Variants in AMZ1 observed in about 807,000 individuals in gnomAD.
AMZ1 encodes archaemetzincin-1.
A neutral mutation model predicts 29.9 loss-of-function variants in AMZ1; 39 were observed. The observed-to-expected ratio is 1.30, with a 90% CI of 1.01 to 1.70. The LOEUF is 1.70. Ranked by LOEUF, AMZ1 falls within the 40% of genes most tolerant of loss-of-function variation. The pLI is 0.00. For missense variants in AMZ1, 1,041 were observed against 680.6 expected (o/e 1.53, Z -5.89); for synonymous variants, 458 against 304.0 (o/e 1.51, Z -5.27).
At chr7:2,733,084 G>A (rs1242497882) in intron 4 of AMZ1, among the ~76,000 whole-genome samples, 2 of 152,198 alleles carry the variant, frequency 1.3e-5, no homozygotes, top group South Asian at 2.1e-4. Flanking sequence ...CCCGGAGGCC[G>A]GGGGAGGGCT....
intron 4 of AMZ1, among the ~76,000 whole-genome samples, chr7:2,732,920 G>C (rs1789973710): frequency 6.6e-6 from 1 of 152,206 alleles, no homozygotes; most frequent in African/African-American, 2.4e-5. Flanking sequence ...AAATCAACAT[G>C]AAAACATTAA....
Position 2,714,497 on chromosome 7 carries a change from G to A in AMZ1, c.*1619G>A, listed in dbSNP as rs1028247278. ...CTTCAAAAAGGCGTAACAGTGACCT[G>A]GGAGGGGAGATGAAGAGCTAGGCCT... is the stretch of plus-strand genomic sequence containing the variant. On this transcript the variant is annotated 3_prime_UTR_variant, in exon 7 of 7. Transcript: ENST00000683327. 5 of 152,362 alleles carry A rather than the reference G, an allele frequency of 3.3e-5. No homozygotes were observed. Among genetic ancestry groups the A allele is most frequent in the Non-Finnish European group, 5.9e-5 (4 of 68,050 alleles). 9.4% of individuals were successfully genotyped at this position (152,362 alleles called of 1,614,324 possible). A position where few individuals can be genotyped will look rare whatever the true frequency, so the allele number is the denominator to read the frequency against.
chr7:2,753,531 T>C (rs564939736), intron 4 of AMZ1, among the ~76,000 whole-genome samples: 2 of 152,338 alleles, frequency 1.3e-5, no homozygotes, highest in East Asian at 3.9e-4. Flanking sequence ...TGCCCCTTTT[T>C]ACTGCTGGGA....
chr7:2,699,539 C>CA (rs1490226543), intron 1 of AMZ1, among the ~76,000 whole-genome samples: 1 of 152,034 alleles, frequency 6.6e-6, no homozygotes, highest in Admixed American at 6.6e-5. Flanking sequence ...CCGCCCCCCC[C>CA]CAAACATATG....
chr7:2,759,418 T>C (rs1791455669), intron 4 of AMZ1, among the ~76,000 whole-genome samples: 1 of 152,214 alleles, frequency 6.6e-6, no homozygotes. Context: ...GTGTTATTAC[T>C]GTTCTGTCCA....
chr7:2,746,069 T>C (rs1583227278), intron 4 of AMZ1, among the ~76,000 whole-genome samples: 2 of 152,226 alleles, frequency 1.3e-5, no homozygotes, highest in Non-Finnish European at 2.9e-5. Context: ...ACAATAATAA[T>C]GGGAGACTTT....
chr7:2,733,847 G>C (rs1157311745), intron 4 of AMZ1, among the ~76,000 whole-genome samples: 2 of 152,192 alleles, frequency 1.3e-5, no homozygotes, highest in African/African-American at 4.8e-5. Flanking sequence ...GGCCAGCAAA[G>C]GACAGGCTAG....
At chr7:2,759,879 C>A (rs558231313), upstream of AMZ1, among the ~76,000 whole-genome samples, 1 of 152,254 alleles carries the variant, frequency 6.6e-6, no homozygotes, top group African/African-American at 2.4e-5. Flanking sequence ...CAGAGCCCCA[C>A]GGCCAGCTGA....
chr7:2,708,652 A>G lies in AMZ1; in HGVS notation c.537A>G (p.Thr179=), dbSNP rs1397667430. Residue 179 remains threonine, a synonymous_variant, in exon 4 of 7, where the codon ACA becomes ACG. Coordinates refer to ENST00000683327, the MANE Select transcript of AMZ1 (RefSeq NM_001384743.1). Reference sequence around the variant, plus strand: ...ACGCGCTGTGTGTGCTGGGCCTCACACTGTCTGACCTGTACCCCCATGAGG... The same window carrying G: ...ACGCGCTGTGTGTGCTGGGCCTCACGCTGTCTGACCTGTACCCCCATGAGG... ...PGDALCVLGL[T]LSDLYPHEAW... is the part of the protein sequence containing the mutation. The G allele has an allele frequency of 1.3e-5, 21 of 1,613,148 alleles. No individual in the cohort carries two copies. Among genetic ancestry groups the G allele is most frequent in the East Asian group, 2.2e-5 (1 of 44,878 alleles).
At chr7:2,739,088 G>A (rs889934780) in intron 4 of AMZ1, among the ~76,000 whole-genome samples, 4 of 152,214 alleles carry the variant, frequency 2.6e-5, no homozygotes, top group African/African-American at 7.2e-5. Flanking sequence ...CTCGGCGTGT[G>A]CAGGGTTGCT....
intron 4 of AMZ1, among the ~76,000 whole-genome samples, chr7:2,753,546 T>G (rs1791139272): frequency 6.6e-6 from 1 of 152,152 alleles, no homozygotes; most frequent in African/African-American, 2.4e-5. Context: ...CTGGGAGAAT[T>G]CCATGGTCTG....
rs1452071600 is a variant in AMZ1 at position 2,702,720 on chromosome 7, A to G, written c.305-2A>G. On this transcript the variant is annotated splice_acceptor_variant, in intron 2 of 6. Transcript: ENST00000683327. LOFTEE classifies it high-confidence loss of function. ...GGGCTGACGGTGCTGCTCTCCCACC[A>G]GACCTGAGCGAGGAGCCGGTGGGAA... 1.3e-6 allele frequency: 2 copies of G among 1,531,868 alleles called. No individual in the cohort carries two copies. 94.9% of individuals were successfully genotyped at this position (1,531,868 alleles called of 1,614,324 possible). A position where few individuals can be genotyped will look rare whatever the true frequency, so the allele number is the denominator to read the frequency against.
At chr7:2,749,905 T>C (rs1016391609) in intron 4 of AMZ1, among the ~76,000 whole-genome samples, 1 of 152,144 alleles carries the variant, frequency 6.6e-6, no homozygotes, top group Non-Finnish European at 1.5e-5. Flanking sequence ...GCAGGCATCT[T>C]TGGGGCAATT....
intron 4 of AMZ1, among the ~76,000 whole-genome samples, chr7:2,757,069 T>C (rs922635184): frequency 6.6e-6 from 1 of 151,094 alleles, no homozygotes; most frequent in Non-Finnish European, 1.5e-5. Flanking sequence ...AGCGATACTC[T>C]GTCCCAAGGC....
rs371227146 is a variant in AMZ1 at position 2,709,826 on chromosome 7, T to G, written c.948+10T>G. On this transcript the variant is annotated intron_variant, in intron 6 of 6. Coordinates refer to ENST00000683327, the MANE Select transcript of AMZ1 (RefSeq NM_001384743.1). ...CATCGAGAGGTACCAGGTGAGTGGC[T>G]GAGTTGCGCTGCCCGGCTGCTGGGA... The G allele has an allele frequency of 6.8e-6, 11 of 1,610,734 alleles. No homozygotes were observed. Among genetic ancestry groups the G allele is most frequent in the Non-Finnish European group, 9.3e-6 (11 of 1,179,378 alleles).
chr7:2,721,233 G>C (rs894716303), downstream of AMZ1, among the ~76,000 whole-genome samples: 1 of 152,222 alleles, frequency 6.6e-6, no homozygotes, highest in African/African-American at 2.4e-5. Flanking sequence ...TGGAAGCACA[G>C]GGACTAAGGC....
chr7:2,741,311 C>T (rs921405211), intron 4 of AMZ1, among the ~76,000 whole-genome samples: 1 of 151,006 alleles, frequency 6.6e-6, no homozygotes. Flanking sequence ...GCCATGATTG[C>T]GCCACTGCAC....
intron 4 of AMZ1, among the ~76,000 whole-genome samples, chr7:2,744,014 C>G (rs1159255435): frequency 2.6e-5 from 4 of 152,244 alleles, no homozygotes; most frequent in Non-Finnish European, 5.9e-5. Context: ...GTAAACAAAG[C>G]AGCCGGGAAG....
At chr7:2,701,431 C>A (rs1788047714) in intron 2 of AMZ1, among the ~76,000 whole-genome samples, 1 of 152,108 alleles carries the variant, frequency 6.6e-6, no homozygotes, top group African/African-American at 2.4e-5. Context: ...AGGGGCTGGG[C>A]TGAGCAGGGT....
Sources: gnomAD v4.1 joint callset for allele counts (sites outside exome capture counted in the v4.1 genomes callset) on GRCh38, gnomAD v4.1.1 for gene constraint, MANE v1.5 for transcripts, NCBI Gene and HGNC (gene_info 2026-07-23, HGNC 2026-07-21) for gene names.